Variants in NMU observed in about 807,000 individuals in gnomAD.
NMU encodes the protein neuromedin-U.
NMU carries 29 observed loss-of-function variants against 35.4 expected under a neutral mutation model. That is an observed-to-expected ratio of 0.82 (90% CI 0.61 to 1.12). NMU has a LOEUF of 1.12. NMU is among the 50% of genes most tolerant of loss of function. NMU has a pLI of 0.00. For missense variants in NMU, 199 were observed against 206.2 expected (o/e 0.97, Z 0.21); for synonymous variants, 78 against 81.3 (o/e 0.96, Z 0.22).
chr4:55,625,483 T>G (rs536135075), intron 2 of NMU, among the ~76,000 whole-genome samples: 4 of 152,320 alleles, frequency 2.6e-5, no homozygotes, highest in Non-Finnish European at 2.9e-5. Context: ...GTAATACACT[T>G]GATGAATTTC....
chr4:55,612,507 T>C (rs1157101004), intron 3 of NMU, among the ~76,000 whole-genome samples: 6 of 152,006 alleles, frequency 3.9e-5, no homozygotes, highest in Admixed American at 1.3e-4. Flanking sequence ...GTATTTCACC[T>C]CAAAGAAGAA....
At chr4:55,617,552 C>T (rs1734155211) in intron 2 of NMU, among the ~76,000 whole-genome samples, 1 of 151,896 alleles carries the variant, frequency 6.6e-6, no homozygotes, top group South Asian at 2.1e-4. Context: ...GGGTAGGGGC[C>T]GTGTTATCGC....
chr4:55,604,534 CT>C (rs199852859), intron 7 of NMU, among the ~76,000 whole-genome samples: 40,038 of 136,418 alleles, frequency 0.29, 5,536 homozygotes, highest in Middle Eastern at 0.41. Context: ...CAAACTCTTA[CT>C]TTTTTTTTTT....
intron 9 of NMU, among the ~76,000 whole-genome samples, chr4:55,597,941 A>AT (rs140436765): frequency 0.18 from 27,773 of 151,388 alleles, 2,708 homozygotes; most frequent in South Asian, 0.25. Context: ...AATTTATTTT[A>AT]TTTTTTGTAA....
chr4:55,602,286 A>T (rs577082846), intron 7 of NMU, among the ~76,000 whole-genome samples: 1 of 152,202 alleles, frequency 6.6e-6, no homozygotes, highest in Non-Finnish European at 1.5e-5. Context: ...AAGAATTCAA[A>T]ATATTTCACT....
chr4:55,608,575 G>T (rs922085729), intron 4 of NMU, among the ~76,000 whole-genome samples: 1 of 152,122 alleles, frequency 6.6e-6, no homozygotes. Context: ...ATAAGATAGA[G>T]ATTATAAAAT....
intron 7 of NMU, among the ~76,000 whole-genome samples, chr4:55,604,679 A>ATATTTTTTTTTTT (rs1553909885): frequency 1.3e-4 from 6 of 47,614 alleles, no homozygotes; most frequent in African/African-American, 7.0e-4. Flanking sequence ...TGCCTGGCTA[A>ATATTTTTTTTTTT]TTTTTTTTTT....
Position 55,636,213 on chromosome 4 carries a change from C to G in NMU, c.-21G>C. The G allele has an allele frequency of 1.4e-6, 2 of 1,474,324 alleles. No homozygotes were observed. Among genetic ancestry groups the G allele is most frequent in the South Asian group, 1.4e-5 (1 of 72,696 alleles). 91.3% of individuals were successfully genotyped at this position (1,474,324 alleles called of 1,614,324 possible). On this transcript the variant is annotated 5_prime_UTR_variant, in exon 1 of 10. Coordinates refer to ENST00000264218, the MANE Select transcript of NMU (RefSeq NM_006681.4). This position sits in a 1 kb window ranked among gnomAD's most constrained non-coding sequence, Gnocchi z 4.0. ...AGCATCTCGGCGGCTGCGGGAGGCTCGGTGCTAGGGACGCTGCGCTGCGCC... is the reference window on the plus strand; with the variant it reads ...AGCATCTCGGCGGCTGCGGGAGGCTGGGTGCTAGGGACGCTGCGCTGCGCC...
chr4:55,636,344 G>A, upstream of NMU: 3 of 1,166,564 alleles, frequency 2.6e-6, no homozygotes, highest in East Asian at 3.2e-5. This position sits in a 1 kb window ranked among gnomAD's most constrained non-coding sequence, Gnocchi z 4.0. Flanking sequence ...GCACAAGTGG[G>A]CTGGGCTGCG....
intron 9 of NMU, among the ~76,000 whole-genome samples, 152 bp from the exon 10 acceptor site, chr4:55,595,563 T>TATATATATATACAC (rs755203914): frequency 0.081 from 9,680 of 119,464 alleles, 557 homozygotes; most frequent in East Asian, 0.18. Context: ...TATATATATA[T>TATATATATATACAC]ACACACACAC....
chr4:55,611,788 G>C (rs73148767), intron 3 of NMU, among the ~76,000 whole-genome samples: 2 of 152,124 alleles, frequency 1.3e-5, no homozygotes, highest in African/African-American at 2.4e-5. Flanking sequence ...GTGTAAGTAC[G>C]CTCTATGATG....
intron 1 of NMU, among the ~76,000 whole-genome samples, chr4:55,631,102 G>A (rs1225753710): frequency 1.3e-5 from 2 of 152,104 alleles, no homozygotes; most frequent in South Asian, 4.2e-4. Flanking sequence ...TCAATAAATG[G>A]TGCTAGGAAA....
chr4:55,603,813 GA>G (rs1667194220), intron 7 of NMU, among the ~76,000 whole-genome samples: 3 of 149,570 alleles, frequency 2.0e-5, no homozygotes, highest in African/African-American at 7.4e-5. Context: ...TCGGGAGGCT[GA>G]GGCAGGCGAA....
chr4:55,607,943 G>A (rs534402182), intron 4 of NMU, among the ~76,000 whole-genome samples: 1 of 152,236 alleles, frequency 6.6e-6, no homozygotes, highest in East Asian at 1.9e-4. Flanking sequence ...GCCCGAGGTG[G>A]GCGGATCACA....
At chr4:55,627,504 C>T (rs547011087) in intron 2 of NMU, among the ~76,000 whole-genome samples, 2 of 151,450 alleles carry the variant, frequency 1.3e-5, no homozygotes, top group Non-Finnish European at 2.9e-5. Context: ...TTAATTGTTT[C>T]ATCCAAGAGA....
intron 3 of NMU, among the ~76,000 whole-genome samples, chr4:55,615,224 T>A (rs1164603375): frequency 1.3e-5 from 2 of 152,176 alleles, no homozygotes; most frequent in Non-Finnish European, 2.9e-5. Flanking sequence ...TTCCAAAACC[T>A]CCTCTTAATT....
chr4:55,611,455 A>G (rs1733927994), intron 3 of NMU, among the ~76,000 whole-genome samples: 1 of 152,208 alleles, frequency 6.6e-6, no homozygotes, highest in Non-Finnish European at 1.5e-5. Context: ...TTTTAAATAA[A>G]TTTAACGCAG....
intron 6 of NMU, among the ~76,000 whole-genome samples, chr4:55,606,200 A>G (rs1476834206): frequency 6.6e-6 from 1 of 152,246 alleles, no homozygotes; most frequent in Non-Finnish European, 1.5e-5. Flanking sequence ...ATAGGTATAT[A>G]TCTGTTTAAA....
chr4:55,616,495 A>C, intron 2 of NMU, 110 bp from the exon 3 acceptor site: 2 of 827,138 alleles, frequency 2.4e-6, no homozygotes, highest in Non-Finnish European at 2.0e-6. Flanking sequence ...GTTCCATGAT[A>C]GTTTAGGACT....
Sources: allele counts gnomAD v4.1 joint callset (sites outside exome capture counted in the v4.1 genomes callset), GRCh38; gene constraint gnomAD v4.1.1; non-coding constraint Gnocchi (gnomAD v3.1); transcripts MANE v1.5; gene names NCBI Gene and HGNC (gene_info 2026-07-23, HGNC 2026-07-21).